ABCB4: variants seen among roughly 807,000 people sequenced by gnomAD.
The protein encoded by ABCB4 is phosphatidylcholine translocator ABCB4.
A neutral mutation model predicts 145.7 loss-of-function variants in ABCB4; 76 were observed. The observed-to-expected ratio is 0.52, with a 90% CI of 0.43 to 0.63. The LOEUF (loss-of-function observed/expected upper bound fraction) is 0.63, where lower values mean the gene tolerates loss of function less well. Ranked by LOEUF, ABCB4 falls within the 30% of genes least tolerant of loss-of-function variation. The probability of loss-of-function intolerance (pLI) is 0.00; values close to 1 mark genes in which losing one functional copy is unlikely to be tolerated. For synonymous variants in ABCB4, 517 were observed against 566.8 expected, an observed-to-expected ratio of 0.91 and a Z score of 1.25; for missense variants, 1,234 against 1,553.1, an observed-to-expected ratio of 0.79 and a Z score of 3.45.
At chr7:87,447,651 AT>A (rs1319580891) in intron 8 of ABCB4, among the ~76,000 whole-genome samples, 3 of 152,140 alleles carry the variant, frequency 2.0e-5, no homozygotes, top group Admixed American at 2.0e-4. Flanking sequence ...AGAAAAGAAA[AT>A]CGTCCCTCTA....
chr7:87,475,256 C>T (rs1813718054), intron 2 of ABCB4, 130 bp downstream of exon 2: 3 of 1,061,724 alleles, frequency 2.8e-6, no homozygotes, highest in East Asian at 2.4e-5. Flanking sequence ...GGATGCAAGA[C>T]CCTTCAAAGA....
the ABCB4 span, among the ~76,000 whole-genome samples, chr7:87,368,738 C>T: frequency 1.3e-5 from 2 of 152,062 alleles, no homozygotes; most frequent in Non-Finnish European, 2.9e-5. Flanking sequence ...AGATCCTTGG[C>T]AAAAGGACAA....
chr7:87,462,475 C>T (rs1429679965), intron 4 of ABCB4, among the ~76,000 whole-genome samples: 2 of 152,154 alleles, frequency 1.3e-5, no homozygotes, highest in Admixed American at 6.5e-5. Context: ...CATTACATTT[C>T]CACTGTTCTC....
chr7:87,405,691 C>T (rs1010055448), intron 26 of ABCB4, among the ~76,000 whole-genome samples: 15 of 152,098 alleles, frequency 9.9e-5, no homozygotes, highest in African/African-American at 3.4e-4. Context: ...TCCCAAAGTG[C>T]TGAGATTACA....
chr7:87,443,842 T>A (rs1811160350), intron 10 of ABCB4, 69 bp from the exon 11 acceptor site: 3 of 1,240,418 alleles, frequency 2.4e-6, no homozygotes, highest in Non-Finnish European at 3.5e-6. Context: ...AGGAATATGA[T>A]TCAGCAAATT....
Position 87,401,828 on chromosome 7 carries a change from C to G in ABCB4, c.*268G>C, listed in dbSNP as rs1030885534. 1 of 590,800 alleles carries G rather than the reference C, an allele frequency of 1.7e-6. No individual in the cohort carries two copies. The highest frequency in any genetic ancestry group is 3.7e-5 in the East Asian group (1 of 26,876). 36.6% of individuals were successfully genotyped at this position (590,800 alleles called of 1,614,324 possible). A position where few individuals can be genotyped will look rare whatever the true frequency, so the allele number is the denominator to read the frequency against. On this transcript the variant is annotated 3_prime_UTR_variant, in exon 28 of 28. Transcript: ENST00000649586. ...TGGCTTCTATATTTCTACACCTGTA[C>G]TTACCTTGAATTTTGTTCTTTTTCT...
At chr7:87,415,172 C>T (rs540858716) in intron 21 of ABCB4, among the ~76,000 whole-genome samples, 34 of 152,266 alleles carry the variant, frequency 2.2e-4, no homozygotes, top group Admixed American at 1.7e-3. Flanking sequence ...AGTGACCAGA[C>T]AAGCCCTGGG....
intron 16 of ABCB4, among the ~76,000 whole-genome samples, chr7:87,426,257 G>C (rs1730631001): frequency 6.6e-6 from 1 of 152,168 alleles, no homozygotes; most frequent in Non-Finnish European, 1.5e-5. Flanking sequence ...TAAAGATGAA[G>C]GGAGCTTGTG....
downstream of ABCB4, among the ~76,000 whole-genome samples, chr7:87,397,558 G>A (rs1807577159): frequency 6.6e-6 from 1 of 152,178 alleles, no homozygotes; most frequent in South Asian, 2.1e-4. Context: ...AATCTGTGGA[G>A]AGAAACATGT....
chr7:87,394,739 A>AAG, the ABCB4 span, among the ~76,000 whole-genome samples: 1 of 152,156 alleles, frequency 6.6e-6, no homozygotes, highest in East Asian at 1.9e-4. Context: ...AGACTCTACT[A>AAG]TGATTCTAGA....
chr7:87,370,420 T>A, the ABCB4 span, among the ~76,000 whole-genome samples: 1 of 152,172 alleles, frequency 6.6e-6, no homozygotes, highest in East Asian at 1.9e-4. Context: ...TGGCCTTAAA[T>A]AATCCGCCTG....
the ABCB4 span, chr7:87,382,451 T>A: frequency 1.9e-6 from 3 of 1,613,688 alleles, no homozygotes; most frequent in African/African-American, 4.0e-5. Flanking sequence ...CCTTTACATC[T>A]TTTGGCAAAA....
chr7:87,465,104 G>A (rs1812769444), intron 3 of ABCB4, among the ~76,000 whole-genome samples: 1 of 152,184 alleles, frequency 6.6e-6, no homozygotes, highest in Admixed American at 6.5e-5. Context: ...AGCACAAGAG[G>A]TCAGGGAATT....
In ABCB4 at chr7:87,471,561, AGT is replaced by A. The variant is rs547766554; in HGVS notation, c.135+1058_135+1059del. ...TTTGGTTACATGAGAAGTATGCAGC[AGT>A]GTTTGAGAGTGTGGATGTTTTGGTG... is the stretch of plus-strand genomic sequence containing the variant. On this transcript the variant is annotated intron_variant, in intron 3 of 27. Coordinates refer to ENST00000649586, the MANE Select transcript of ABCB4 (RefSeq NM_000443.4). Among the ~76,000 whole-genome samples, 12 of 152,306 alleles carry A rather than the reference AGT, an allele frequency of 7.9e-5. No individual in the cohort carries two copies. In the South Asian group the frequency reaches 2.5e-3, roughly 32 times the overall value.
At position 87,446,487 on chromosome 7, in the gene ABCB4, G is replaced by C. The variant is rs45489091; in HGVS notation, c.1005+547C>G. On this transcript the variant is annotated intron_variant, in intron 9 of 27. Transcript: ENST00000649586. ...TCAAGAGAATATAAATTATTAGATT[G>C]TAAGTAATTTTAATTTTAAAAATTC... Among the ~76,000 whole-genome samples the C allele has an allele frequency of 5.0e-4, 76 of 152,240 alleles. No individual in the cohort carries two copies. The East Asian group carries it at 0.014, about 28-fold the overall frequency.
intron 2 of ABCB4, among the ~76,000 whole-genome samples, chr7:87,473,185 C>G (rs1474538235): frequency 2.6e-5 from 4 of 152,224 alleles, no homozygotes; most frequent in African/African-American, 9.6e-5. Flanking sequence ...CTTCAACTAG[C>G]AGTCAGAGTA....
chr7:87,397,754 T>C (rs1371216450), downstream of ABCB4, among the ~76,000 whole-genome samples: 2 of 152,250 alleles, frequency 1.3e-5, no homozygotes, highest in South Asian at 2.1e-4. Context: ...GTTCTTATTT[T>C]TATTTCTCTT....
At chr7:87,448,102 A>T (rs181447517) in intron 8 of ABCB4, among the ~76,000 whole-genome samples, 2 of 152,254 alleles carry the variant, frequency 1.3e-5, no homozygotes, top group African/African-American at 4.8e-5. Context: ...ATCTAGAATG[A>T]TTCTGTTAAA....
the ABCB4 span, among the ~76,000 whole-genome samples, chr7:87,370,703 CTT>C: frequency 1.3e-5 from 2 of 152,220 alleles, no homozygotes; most frequent in South Asian, 4.1e-4. Context: ...CGTCATCCCT[CTT>C]CCAGACTTTC....
Sources: gnomAD v4.1 joint callset for allele counts (sites outside exome capture counted in the v4.1 genomes callset) on GRCh38, gnomAD v4.1.1 for gene constraint, MANE v1.5 for transcripts, NCBI Gene and HGNC (gene_info 2026-07-23, HGNC 2026-07-21) for gene names.